The following PDE6D variants were observed in gnomAD, a reference collection of about 807,000 sequenced individuals.
PDE6D encodes phosphodiesterase 6D.
Under a neutral mutation model 21.9 loss-of-function variants are expected in PDE6D, and 10 were observed. The observed-to-expected ratio is 0.46, with a 90% CI of 0.28 to 0.78. The LOEUF is 0.78. Among genes scored for constraint, PDE6D ranks in the 30% least tolerant of loss-of-function variants. The probability of loss-of-function intolerance (pLI) is 0.12; values close to 1 mark genes in which losing one functional copy is unlikely to be tolerated. For synonymous variants in PDE6D, 59 were observed against 63.5 expected (o/e 0.93, Z 0.34); for missense variants, 139 against 184.8 (o/e 0.75, Z 1.44).
chr2:231,781,103 C>T lies in PDE6D; in HGVS notation c.12G>A (p.Lys4=), dbSNP rs1283953372. The T allele has an allele frequency of 1.9e-6, 3 of 1,613,350 alleles. No homozygotes were observed. Among genetic ancestry groups the T allele is most frequent in the African/African-American group, 1.3e-5 (1 of 74,892 alleles). Residue 4 remains lysine (K), a synonymous_variant, in exon 1 of 5, where the codon AAG becomes AAA. Coordinates refer to ENST00000287600, the MANE Select transcript of PDE6D (RefSeq NM_002601.4). ...TCAGGATCTCCCTGGCCCGCTCGTC[C>T]TTGGCTGACATGATGCGGCGGTCGC... MSA[K]DERAREILRG... is the part of the protein sequence containing the mutation.
chr2:231,747,422 A>G (rs1358276026), intron 1 of PDE6D, among the ~76,000 whole-genome samples: 1 of 152,130 alleles, frequency 6.6e-6, no homozygotes, highest in Non-Finnish European at 1.5e-5. Flanking sequence ...AGAGTGTGCT[A>G]ACTGAAGAGC....
intron 1 of PDE6D, among the ~76,000 whole-genome samples, chr2:231,746,442 C>T (rs1016794405): frequency 6.6e-6 from 1 of 152,152 alleles, no homozygotes; most frequent in African/African-American, 2.4e-5. Flanking sequence ...AGTGCCTGGC[C>T]CGTTGGTGTA....
At chr2:231,759,424 GA>G (rs1422742298) in intron 1 of PDE6D, among the ~76,000 whole-genome samples, 3 of 152,080 alleles carry the variant, frequency 2.0e-5, no homozygotes, top group Non-Finnish European at 4.4e-5. Context: ...TTTTCAGGGG[GA>G]AAAACAGCCA....
chr2:231,762,236 G>A (rs187638099), intron 1 of PDE6D, among the ~76,000 whole-genome samples: 5 of 150,408 alleles, frequency 3.3e-5, no homozygotes, highest in East Asian at 2.0e-4. Context: ...TCTCCATTGA[G>A]TATAGCTATG....
rs910559016 is a variant in PDE6D at position 231,732,703 on chromosome 2, T to C, written c.*249A>G. The C allele has an allele frequency of 9.6e-6, 4 of 415,794 alleles. No individual in the cohort carries two copies. The highest frequency in any genetic ancestry group is 1.8e-5 in the Non-Finnish European group (4 of 228,088). The allele number at this position is 415,794 out of a possible 1,614,324, so 25.8% of individuals were successfully genotyped here. A position where few individuals can be genotyped will look rare whatever the true frequency, so the allele number is the denominator to read the frequency against. On this transcript the variant is annotated 3_prime_UTR_variant, in exon 5 of 5. Coordinates refer to ENST00000287600, the MANE Select transcript of PDE6D (RefSeq NM_002601.4). ...TCCCTGTGTGTATGCTGGGAAGGAC[T>C]TGAGACCTGTCCCCTGCCCTGGTCT...
At chr2:231,773,534 C>T (rs1006124744) in intron 1 of PDE6D, among the ~76,000 whole-genome samples, 4 of 152,276 alleles carry the variant, frequency 2.6e-5, no homozygotes, top group African/African-American at 9.6e-5. Context: ...CTTAATATGT[C>T]TACTATTCTT....
chr2:231,768,954 C>A (rs780310033), intron 1 of PDE6D, among the ~76,000 whole-genome samples: 3 of 152,034 alleles, frequency 2.0e-5, no homozygotes, highest in Admixed American at 1.3e-4. Flanking sequence ...CTGCAACCTC[C>A]GCCTCCTGGG....
At chr2:231,752,297 C>T (rs1395784228) in intron 1 of PDE6D, among the ~76,000 whole-genome samples, 2 of 152,192 alleles carry the variant, frequency 1.3e-5, no homozygotes, top group Non-Finnish European at 2.9e-5. Context: ...CAAGTTCTAT[C>T]ACGTAGCAGC....
chr2:231,765,417 G>C (rs1200455436), intron 1 of PDE6D, among the ~76,000 whole-genome samples: 1 of 152,144 alleles, frequency 6.6e-6, no homozygotes, highest in Non-Finnish European at 1.5e-5. Flanking sequence ...CAGCTGAATT[G>C]CAAGTAACAA....
intron 1 of PDE6D, among the ~76,000 whole-genome samples, chr2:231,755,476 A>C (rs566981762): frequency 1.3e-5 from 2 of 152,342 alleles, no homozygotes; most frequent in African/African-American, 4.8e-5. Flanking sequence ...CTGTAATCCC[A>C]GCACTTTGGG....
At chr2:231,779,313 CG>C (rs1474222064) in intron 1 of PDE6D, 1 of 152,168 alleles carries the variant, frequency 6.6e-6, no homozygotes, top group Non-Finnish European at 1.5e-5. Flanking sequence ...AACTCTTTTC[CG>C]TATTTGTCTC....
At chr2:231,759,376 T>C (rs1188674573) in intron 1 of PDE6D, among the ~76,000 whole-genome samples, 1 of 151,844 alleles carries the variant, frequency 6.6e-6, no homozygotes, top group Non-Finnish European at 1.5e-5. Flanking sequence ...TTCTAGGAAA[T>C]AAGATTTTAG....
At chr2:231,759,255 G>C (rs529348719) in intron 1 of PDE6D, among the ~76,000 whole-genome samples, 1 of 152,238 alleles carries the variant, frequency 6.6e-6, no homozygotes, top group African/African-American at 2.4e-5. Flanking sequence ...TGTCAAGGCT[G>C]CAGTGAGCTG....
At chr2:231,761,190 T>G (rs955510183) in intron 1 of PDE6D, among the ~76,000 whole-genome samples, 1 of 152,170 alleles carries the variant, frequency 6.6e-6, no homozygotes, top group Non-Finnish European at 1.5e-5. Context: ...TTTTTTTTTT[T>G]TTGAGATGTA....
intron 4 of PDE6D, among the ~76,000 whole-genome samples, chr2:231,733,487 G>A (rs838423): frequency 0.079 from 12,068 of 152,168 alleles, 546 homozygotes; most frequent in African/African-American, 0.11. Context: ...TCCTGCCTTT[G>A]GGTAACAGCA....
chr2:231,746,794 T>C lies in PDE6D; in HGVS notation c.51-7606A>G, dbSNP rs148155029. ...ACACAGGAGAGACACAGGGACGGAG[T>C]GAAGGGGAAAAAAAGACTGAGAAAA... On this transcript the variant is annotated intron_variant, in intron 1 of 4. Coordinates refer to ENST00000287600, the MANE Select transcript of PDE6D (RefSeq NM_002601.4). 1.6e-3 allele frequency among the ~76,000 whole-genome samples: 233 copies of C among 147,768 alleles called. 2 individuals carry two copies. Among genetic ancestry groups the C allele is most frequent in the African/African-American group, 5.5e-3 (220 of 39,884 alleles).
Position 231,781,247 on chromosome 2 carries a change from A to G in PDE6D, c.-133T>C. 2 of 774,688 alleles carry G rather than the reference A, an allele frequency of 2.6e-6. No individual in the cohort carries two copies. Among genetic ancestry groups the G allele is most frequent in the Non-Finnish European group, 4.3e-6 (2 of 462,904 alleles). The allele number at this position is 774,688 out of a possible 1,614,324, so 48.0% of individuals were successfully genotyped here. The stretch of plus-strand genomic sequence containing the variant: ...TAGCAGCCGCAGCGGCCAGACCAGG[A>G]CCGGCCTCTCTCTCCCCTCAGCTCC... On this transcript the variant is annotated 5_prime_UTR_variant, in exon 1 of 5. Transcript: ENST00000287600.
At chr2:231,762,469 C>G (rs754693196) in intron 1 of PDE6D, among the ~76,000 whole-genome samples, 1 of 151,496 alleles carries the variant, frequency 6.6e-6, no homozygotes, top group Non-Finnish European at 1.5e-5. Flanking sequence ...CTCAGCCTCC[C>G]GAGTAGCTGG....
intron 1 of PDE6D, among the ~76,000 whole-genome samples, chr2:231,758,961 A>G (rs1198040846): frequency 2.0e-5 from 3 of 152,158 alleles, no homozygotes; most frequent in African/African-American, 7.2e-5. Flanking sequence ...CCCATACTCT[A>G]TACCACCAGA....
Sources: allele counts gnomAD v4.1 joint callset (sites outside exome capture counted in the v4.1 genomes callset), GRCh38; gene constraint gnomAD v4.1.1; transcripts MANE v1.5; gene names NCBI Gene and HGNC (gene_info 2026-07-23, HGNC 2026-07-21).